ARB2A: variants seen among roughly 807,000 people sequenced by gnomAD.
The protein encoded by ARB2A is cotranscriptional regulator ARB2A.
At chr5:93,870,496 A>G in the ARB2A span, among the ~76,000 whole-genome samples, 1 of 152,236 alleles carries the variant, frequency 6.6e-6, no homozygotes, top group Non-Finnish European at 1.5e-5. Flanking sequence ...AGAGGCAAAA[A>G]CCAGTGTTTT....
the ARB2A span, among the ~76,000 whole-genome samples, chr5:93,724,918 T>C: frequency 6.6e-6 from 1 of 152,050 alleles, no homozygotes; most frequent in Non-Finnish European, 1.5e-5. Flanking sequence ...AACACTATGA[T>C]ACTGCCACAG....
the ARB2A span, among the ~76,000 whole-genome samples, chr5:93,718,366 G>A: frequency 6.6e-6 from 1 of 152,032 alleles, no homozygotes; most frequent in African/African-American, 2.4e-5. Context: ...GTGAACCCGG[G>A]AGGCAGAGTT....
At chr5:93,985,115 C>T in the ARB2A span, among the ~76,000 whole-genome samples, 1 of 152,276 alleles carries the variant, frequency 6.6e-6, no homozygotes, top group East Asian at 1.9e-4. Flanking sequence ...GGACAGTACA[C>T]TAAACACTCT....
the ARB2A span, among the ~76,000 whole-genome samples, chr5:93,985,087 CTCT>C: frequency 2.0e-5 from 3 of 152,072 alleles, no homozygotes; most frequent in Non-Finnish European, 2.9e-5. Context: ...TTTTTATTTT[CTCT>C]TCTTTCTTAA....
chr5:93,876,234 A>G, the ARB2A span, among the ~76,000 whole-genome samples: 83 of 152,268 alleles, frequency 5.5e-4, no homozygotes, highest in Non-Finnish European at 8.7e-4. Flanking sequence ...TTACCACTAA[A>G]TTGATGACAT....
the ARB2A span, chr5:93,776,105 T>C: frequency 7.3e-7 from 1 of 1,376,702 alleles, no homozygotes; most frequent in South Asian, 1.3e-5. Flanking sequence ...TTCATTAGCA[T>C]ATTTTTCACC....
the ARB2A span, among the ~76,000 whole-genome samples, chr5:93,907,603 C>A: frequency 6.6e-6 from 1 of 151,260 alleles, no homozygotes; most frequent in Admixed American, 6.6e-5. Context: ...ATTTAATATT[C>A]CCTAGATAAA....
chr5:93,761,153 T>A, the ARB2A span, among the ~76,000 whole-genome samples: 819 of 152,282 alleles, frequency 5.4e-3, 12 homozygotes, highest in African/African-American at 0.018. Flanking sequence ...GGGTGATTTC[T>A]GCATTTCCAA....
At chr5:93,753,715 A>C in the ARB2A span, among the ~76,000 whole-genome samples, 4 of 152,206 alleles carry the variant, frequency 2.6e-5, no homozygotes, top group Non-Finnish European at 5.9e-5. Context: ...ATTTATATCA[A>C]GTGTTCTAGG....
chr5:93,871,135 T>C, the ARB2A span, among the ~76,000 whole-genome samples: 1 of 152,240 alleles, frequency 6.6e-6, no homozygotes, highest in Non-Finnish European at 1.5e-5. Context: ...CTTGTTAAAG[T>C]TGGAATTTTG....
At chr5:93,859,055 A>G in the ARB2A span, among the ~76,000 whole-genome samples, 1 of 152,182 alleles carries the variant, frequency 6.6e-6, no homozygotes, top group Non-Finnish European at 1.5e-5. Flanking sequence ...ATGTAGATAG[A>G]CATTTGAAAG....
chr5:93,939,166 A>AT, the ARB2A span, among the ~76,000 whole-genome samples: 12 of 151,708 alleles, frequency 7.9e-5, no homozygotes, highest in African/African-American at 2.7e-4. Flanking sequence ...CTTTCAAATA[A>AT]TTTTTTTTTA....
At chr5:93,866,084 A>T in the ARB2A span, 5 of 984,098 alleles carry the variant, frequency 5.1e-6, no homozygotes, top group Non-Finnish European at 6.0e-6. Context: ...AAATTCAGAG[A>T]TGTTAAAATG....
chr5:94,064,493 A>G, the ARB2A span, among the ~76,000 whole-genome samples: 1 of 152,220 alleles, frequency 6.6e-6, no homozygotes, highest in Admixed American at 6.5e-5. Flanking sequence ...CAAGAAGCAC[A>G]TAAATCCCCA....
At chr5:93,620,969 C>G in the ARB2A span, 2 of 1,599,998 alleles carry the variant, frequency 1.3e-6, no homozygotes, top group Non-Finnish European at 1.7e-6. Context: ...GCGGCCTCCC[C>G]CGTCGCGCTC....
the ARB2A span, among the ~76,000 whole-genome samples, chr5:94,049,256 C>T: frequency 2.0e-5 from 3 of 152,138 alleles, no homozygotes; most frequent in Admixed American, 1.3e-4. Context: ...ATGTGAAGTA[C>T]CTAATGTTCA....
chr5:93,794,849 T>C, the ARB2A span, among the ~76,000 whole-genome samples: 2 of 152,128 alleles, frequency 1.3e-5, no homozygotes, highest in Non-Finnish European at 2.9e-5. Context: ...TGAGGGTCCT[T>C]GGTTGTGTTT....
chr5:94,098,843 T>A, the ARB2A span, among the ~76,000 whole-genome samples: 2 of 152,320 alleles, frequency 1.3e-5, no homozygotes, highest in Non-Finnish European at 2.9e-5. Context: ...GAAACTACTA[T>A]GAACACCTCT....
the ARB2A span, among the ~76,000 whole-genome samples, chr5:93,756,493 C>T: frequency 6.6e-6 from 1 of 152,192 alleles, no homozygotes; most frequent in African/African-American, 2.4e-5. Context: ...GCCACCTCCA[C>T]TGGAACAGGC....
Sources: gnomAD v4.1 joint callset for allele counts (sites outside exome capture counted in the v4.1 genomes callset) on GRCh38, gnomAD v4.1.1 for gene constraint, MANE v1.5 for transcripts, NCBI Gene and HGNC (gene_info 2026-07-23, HGNC 2026-07-21) for gene names.